CADM2: variants seen among roughly 807,000 people sequenced by gnomAD.
CADM2 encodes the protein cell adhesion molecule 2, also known as immunoglobulin superfamily member 4D.
CADM2 carries 12 observed loss-of-function variants against 49.8 expected under a neutral mutation model. That is an observed-to-expected ratio of 0.24 (90% CI 0.15 to 0.39). CADM2 has a LOEUF of 0.39. Among genes scored for constraint, CADM2 ranks in the 10% least tolerant of loss-of-function variants. The probability of loss-of-function intolerance (pLI) is 1.00; values close to 1 mark genes in which losing one functional copy is unlikely to be tolerated. For missense variants in CADM2, 378 were observed against 492.3 expected, an observed-to-expected ratio of 0.77 and a Z score of 2.20; for synonymous variants, 214 against 175.4, an observed-to-expected ratio of 1.22 and a Z score of -1.74.
chr3:85,614,389 C>G (rs6549045), intron 1 of CADM2, among the ~76,000 whole-genome samples: 80,272 of 151,172 alleles, frequency 0.53, 23,876 homozygotes, highest in East Asian at 0.82. Context: ...CATATATATA[C>G]TAGTTAAAAT....
At chr3:85,111,701 A>T (rs1448620378) in intron 1 of CADM2, among the ~76,000 whole-genome samples, 2 of 151,842 alleles carry the variant, frequency 1.3e-5, no homozygotes, top group African/African-American at 4.8e-5. Flanking sequence ...CAATAGAGTG[A>T]CTGTAGTCAA....
intron 2 of CADM2, among the ~76,000 whole-genome samples, chr3:85,782,822 G>A (rs573424380): frequency 6.6e-6 from 1 of 152,154 alleles, no homozygotes; most frequent in Admixed American, 6.6e-5. Context: ...CCAAGTCTTA[G>A]AAAAGTGATA....
chr3:85,511,916 G>T (rs1408800192), intron 1 of CADM2: 4 of 957,582 alleles, frequency 4.2e-6, no homozygotes, highest in Middle Eastern at 1.1e-3. Flanking sequence ...AAGAAAAAGT[G>T]GTGAAATTAT....
chr3:85,549,866 G>A (rs1165134939), intron 1 of CADM2, among the ~76,000 whole-genome samples: 2 of 150,532 alleles, frequency 1.3e-5, no homozygotes, highest in Non-Finnish European at 3.0e-5. Context: ...TCCTGGCCAC[G>A]AGTGATTTGC....
intron 1 of CADM2, among the ~76,000 whole-genome samples, chr3:85,658,122 G>A (rs1052915458): frequency 1.3e-5 from 2 of 152,036 alleles, no homozygotes; most frequent in Non-Finnish European, 2.9e-5. Flanking sequence ...GGAAGAGACA[G>A]AGCACATTCC....
At chr3:85,548,469 T>G (rs1035596273) in intron 1 of CADM2, among the ~76,000 whole-genome samples, 6 of 152,036 alleles carry the variant, frequency 3.9e-5, no homozygotes, top group African/African-American at 1.4e-4. Flanking sequence ...CTCGACAGTC[T>G]AATTAATTAT....
intron 1 of CADM2, among the ~76,000 whole-genome samples, chr3:85,198,849 A>G (rs905848103): frequency 2.0e-5 from 3 of 151,856 alleles, no homozygotes; most frequent in African/African-American, 7.2e-5. Context: ...TTTCCATATT[A>G]AAGACTTAGA....
chr3:85,754,845 A>G lies in CADM2; in HGVS notation c.88+28297A>G, dbSNP rs567832416. 4.6e-5 allele frequency among the ~76,000 whole-genome samples: 7 copies of G among 152,338 alleles called. No homozygotes were observed. In the South Asian group the frequency reaches 1.2e-3, roughly 27 times the overall value. On this transcript the variant is annotated intron_variant, in intron 2 of 9. Transcript: ENST00000383699. ...AACAAACAAACAAAAAAATACCACCATAGAGTATTGACATTTTTTTAAAAG... is the reference window on the plus strand; with the variant it reads ...AACAAACAAACAAAAAAATACCACCGTAGAGTATTGACATTTTTTTAAAAG...
At chr3:85,240,535 T>C (rs183220126) in intron 1 of CADM2, among the ~76,000 whole-genome samples, 1 of 151,610 alleles carries the variant, frequency 6.6e-6, no homozygotes, top group African/African-American at 2.4e-5. Context: ...GTGATTAACA[T>C]GACAAAATGA....
At chr3:85,901,683 G>A (rs1716140698) in intron 5 of CADM2, among the ~76,000 whole-genome samples, 1 of 152,094 alleles carries the variant, frequency 6.6e-6, no homozygotes, top group African/African-American at 2.4e-5. Flanking sequence ...TCAAATTCAT[G>A]TATACAATTT....
chr3:85,634,104 G>A (rs1474973523), intron 1 of CADM2, among the ~76,000 whole-genome samples: 1 of 151,870 alleles, frequency 6.6e-6, no homozygotes, highest in Non-Finnish European at 1.5e-5. Context: ...GGCCTTTTTT[G>A]GCACATGGAC....
intron 1 of CADM2, among the ~76,000 whole-genome samples, chr3:85,593,185 A>G (rs2063153198): frequency 6.6e-6 from 1 of 150,794 alleles, no homozygotes; most frequent in Non-Finnish European, 1.5e-5. Context: ...ATTTTATTTT[A>G]TTTTATTATA....
chr3:85,964,725 C>T (rs1725263026), intron 8 of CADM2, among the ~76,000 whole-genome samples: 2 of 151,694 alleles, frequency 1.3e-5, no homozygotes, highest in Non-Finnish European at 2.9e-5. Flanking sequence ...AACATTTGCA[C>T]TGTGAAGGTT....
chr3:85,153,064 A>G (rs2039982033), intron 1 of CADM2, among the ~76,000 whole-genome samples: 1 of 152,174 alleles, frequency 6.6e-6, no homozygotes, highest in Non-Finnish European at 1.5e-5. Flanking sequence ...TTTGAAAATT[A>G]ACACTGCGGG....
At chr3:86,001,113 G>T (rs952764836) in intron 8 of CADM2, among the ~76,000 whole-genome samples, 1 of 152,114 alleles carries the variant, frequency 6.6e-6, no homozygotes, top group Non-Finnish European at 1.5e-5. Flanking sequence ...CTATATGGAT[G>T]AAAGAATGAG....
chr3:85,411,856 G>C (rs1308697227), intron 1 of CADM2, among the ~76,000 whole-genome samples: 1 of 151,918 alleles, frequency 6.6e-6, no homozygotes, highest in African/African-American at 2.4e-5. Flanking sequence ...TTATTTTTTT[G>C]AGATGGGGTC....
chr3:85,704,266 A>G (rs1051306667), intron 1 of CADM2, among the ~76,000 whole-genome samples: 8 of 152,244 alleles, frequency 5.3e-5, no homozygotes, highest in African/African-American at 1.7e-4. Context: ...CAAAGAGCAG[A>G]CAGCAAGGAA....
chr3:85,658,613 T>TAC (rs1332424749), intron 1 of CADM2, among the ~76,000 whole-genome samples: 7 of 137,540 alleles, frequency 5.1e-5, no homozygotes, highest in African/African-American at 1.9e-4. Context: ...TATATATATA[T>TAC]ATATACATGT....
intron 3 of CADM2, among the ~76,000 whole-genome samples, chr3:85,882,167 A>G (rs1428160673): frequency 1.6e-5 from 1 of 64,178 alleles, no homozygotes; most frequent in Non-Finnish European, 3.4e-5. Context: ...CCCACCCCGC[A>G]TATACCCTCC....
Sources: allele counts gnomAD v4.1 joint callset (sites outside exome capture counted in the v4.1 genomes callset), GRCh38; gene constraint gnomAD v4.1.1; transcripts MANE v1.5; gene names NCBI Gene and HGNC (gene_info 2026-07-23, HGNC 2026-07-21).